Variants in CNTNAP5 observed in about 807,000 individuals in gnomAD.
CNTNAP5 encodes the protein contactin associated protein family member 5, also known as contactin-associated protein-like 5.
A neutral mutation model predicts 150.2 loss-of-function variants in CNTNAP5; 72 were observed. The ratio of observed to expected loss-of-function variants is 0.48; its 90% CI spans 0.40 to 0.58. CNTNAP5 has a LOEUF of 0.58. Ranked by LOEUF, CNTNAP5 falls within the 20% of genes least tolerant of loss-of-function variation. The probability of loss-of-function intolerance (pLI) is 0.00; values close to 1 mark genes in which losing one functional copy is unlikely to be tolerated. For synonymous variants in CNTNAP5, 672 were observed against 619.8 expected (o/e 1.08, Z -1.25); for missense variants, 1,636 against 1,626.2 (o/e 1.01, Z -0.10).
intron 3 of CNTNAP5, among the ~76,000 whole-genome samples, chr2:124,346,916 CA>C (rs35078281): frequency 1.3e-3 from 144 of 109,028 alleles, no homozygotes; most frequent in Middle Eastern, 0.011. Flanking sequence ...ATTAAAAATA[CA>C]AAAAAAAAAA....
chr2:124,260,684 A>G (rs1264815823), intron 3 of CNTNAP5, among the ~76,000 whole-genome samples: 1 of 152,170 alleles, frequency 6.6e-6, no homozygotes, highest in Non-Finnish European at 1.5e-5. Flanking sequence ...TTCAACCAGC[A>G]TAGCTTAATA....
At chr2:124,898,859 G>T (rs530860307) in intron 21 of CNTNAP5, among the ~76,000 whole-genome samples, 3 of 151,336 alleles carry the variant, frequency 2.0e-5, no homozygotes, top group Admixed American at 6.6e-5. Context: ...ACTCCCCCCG[G>T]CCTCCTCCTC....
At position 124,865,366 on chromosome 2, in the gene CNTNAP5, C is replaced by G. The variant is rs1452119928; in HGVS notation, c.3278C>G (p.Ala1093Gly). Residue 1093 changes from alanine (A) to glycine (G), a missense_variant, in exon 20 of 24, where the codon GCA (alanine) becomes GGA (glycine). Ala to Gly is a moderately conservative substitution (Grantham distance 60, BLOSUM62 0). Coordinates refer to ENST00000682447, the MANE Select transcript of CNTNAP5 (RefSeq NM_001367498.1). ...GAAACCCATGTATTCACCATTGATG[C>G]AGATAACTTTGCTAACAGAAGGATG... ...KEETHVFTID[A>G]DNFANRRMHH... 6.4e-7 allele frequency: 1 copy of G among 1,560,782 alleles called. No individual in the cohort carries two copies. The highest frequency in any genetic ancestry group is 8.7e-7 in the Non-Finnish European group (1 of 1,150,930).
chr2:124,671,660 G>A (rs996626174), intron 13 of CNTNAP5, among the ~76,000 whole-genome samples: 4 of 152,002 alleles, frequency 2.6e-5, no homozygotes, highest in Non-Finnish European at 5.9e-5. Context: ...ATATTTTTGA[G>A]ATGGGGTCTC....
Position 124,914,195 on chromosome 2 carries a change from G to A in CNTNAP5, c.3831G>A (p.Glu1277=), listed in dbSNP as rs1363564677. The change falls in exon 24 of 24, where the codon GAG becomes GAA. Residue 1277 remains glutamate (E), a synonymous_variant. Coordinates refer to ENST00000682447, the MANE Select transcript of CNTNAP5 (RefSeq NM_001367498.1). ...KQSHRTSQMK[E]KEYPENLDSS... ...CACATCGTACGAGCCAGATGAAGGA[G>A]AAGGAATATCCAGAAAATTTGGACA... is the stretch of plus-strand genomic sequence containing the variant. 1 of 1,612,604 alleles carries A rather than the reference G, an allele frequency of 6.2e-7. No individual in the cohort carries two copies. The highest frequency in any genetic ancestry group is 1.1e-5 in the South Asian group (1 of 91,032).
chr2:124,661,536 C>G (rs2105045559), intron 13 of CNTNAP5, among the ~76,000 whole-genome samples: 1 of 147,616 alleles, frequency 6.8e-6, no homozygotes, highest in African/African-American at 2.5e-5. Context: ...TTCTGGAATT[C>G]CCCCGAAGGG....
chr2:124,366,923 C>A (rs1019089442), intron 3 of CNTNAP5, among the ~76,000 whole-genome samples: 1 of 152,106 alleles, frequency 6.6e-6, no homozygotes, highest in Non-Finnish European at 1.5e-5. Context: ...AGAGGCTCAG[C>A]AGAAGGCTGG....
At chr2:124,119,640 G>T (rs1683514572) in intron 1 of CNTNAP5, among the ~76,000 whole-genome samples, 1 of 152,154 alleles carries the variant, frequency 6.6e-6, no homozygotes, top group African/African-American at 2.4e-5. Context: ...GGGCATAGTG[G>T]CTCATGCCTG....
intron 1 of CNTNAP5, among the ~76,000 whole-genome samples, chr2:124,211,492 C>A (rs1478405289): frequency 3.3e-5 from 5 of 150,974 alleles, no homozygotes; most frequent in Non-Finnish European, 7.4e-5. Flanking sequence ...GGTCTCTTTG[C>A]AAATATACTA....
intron 2 of CNTNAP5, among the ~76,000 whole-genome samples, chr2:124,240,000 C>G (rs954024064): frequency 1.4e-5 from 2 of 146,062 alleles, no homozygotes; most frequent in African/African-American, 4.9e-5. Flanking sequence ...GTTTTATAAA[C>G]TGTTTTTTTT....
chr2:124,705,564 A>G (rs1192756224), intron 13 of CNTNAP5, among the ~76,000 whole-genome samples: 3 of 152,026 alleles, frequency 2.0e-5, no homozygotes, highest in East Asian at 3.9e-4. Flanking sequence ...AACAAATCCA[A>G]TGCTTACAAT....
chr2:124,881,191 ACT>A (rs1230022900), intron 21 of CNTNAP5, among the ~76,000 whole-genome samples: 3 of 151,982 alleles, frequency 2.0e-5, no homozygotes. Context: ...CTGTTATCAG[ACT>A]CTCTTGTTAG....
At chr2:124,843,253 A>G (rs539987149) in intron 19 of CNTNAP5, among the ~76,000 whole-genome samples, 1 of 152,074 alleles carries the variant, frequency 6.6e-6, no homozygotes, top group Non-Finnish European at 1.5e-5. Flanking sequence ...GTTCCTTTTT[A>G]TGGCTGAGTA....
chr2:124,220,392 T>C (rs910251895), intron 1 of CNTNAP5, among the ~76,000 whole-genome samples: 1 of 152,146 alleles, frequency 6.6e-6, no homozygotes, highest in African/African-American at 2.4e-5. Flanking sequence ...CATTCTTTCC[T>C]TTCTTATTTC....
intron 13 of CNTNAP5, among the ~76,000 whole-genome samples, chr2:124,704,146 C>T (rs1186928436): frequency 6.6e-6 from 1 of 152,112 alleles, no homozygotes; most frequent in African/African-American, 2.4e-5. Context: ...GATAACATAC[C>T]GGATTTAAAT....
intron 3 of CNTNAP5, among the ~76,000 whole-genome samples, chr2:124,363,770 T>C (rs926687808): frequency 1.3e-5 from 2 of 152,228 alleles, no homozygotes; most frequent in African/African-American, 2.4e-5. Flanking sequence ...GTCTATTACC[T>C]TGACTGTGGT....
chr2:124,106,281 G>T (rs1683171138), intron 1 of CNTNAP5, among the ~76,000 whole-genome samples: 1 of 152,220 alleles, frequency 6.6e-6, no homozygotes. Context: ...AGAATCTGCA[G>T]AGTTCTGTGC....
chr2:124,506,059 C>T (rs1694399547), intron 8 of CNTNAP5, among the ~76,000 whole-genome samples: 1 of 152,032 alleles, frequency 6.6e-6, no homozygotes, highest in African/African-American at 2.4e-5. Flanking sequence ...AGGAAGAAGC[C>T]AAGGCAATAT....
At chr2:124,812,051 A>G (rs185253907) in intron 19 of CNTNAP5, among the ~76,000 whole-genome samples, 1 of 48,788 alleles carries the variant, frequency 2.0e-5, no homozygotes, top group Non-Finnish European at 4.3e-5. Flanking sequence ...ATTTATATTT[A>G]TATATTATAT....
Sources: allele counts gnomAD v4.1 joint callset (sites outside exome capture counted in the v4.1 genomes callset), GRCh38; gene constraint gnomAD v4.1.1; transcripts MANE v1.5; gene names NCBI Gene and HGNC (gene_info 2026-07-23, HGNC 2026-07-21).